The following CTNNA3 variants were observed in gnomAD, a reference collection of about 807,000 sequenced individuals.
CTNNA3 encodes catenin alpha 3.
A neutral mutation model predicts 95.7 loss-of-function variants in CTNNA3; 76 were observed. The observed-to-expected ratio is 0.79, with a 90% CI of 0.66 to 0.96. The LOEUF is 0.96. CTNNA3 is among the 40% of genes least tolerant of loss of function. CTNNA3 has a pLI of 0.00. For missense variants in CTNNA3, 1,191 were observed against 1,089.8 expected (o/e 1.09, Z -1.31); for synonymous variants, 431 against 374.4 (o/e 1.15, Z -1.74).
intron 5 of CTNNA3, among the ~76,000 whole-genome samples, chr10:67,336,758 T>C (rs1468317235): frequency 6.6e-6 from 1 of 152,114 alleles, no homozygotes; most frequent in Admixed American, 6.6e-5. Flanking sequence ...CATCTGAAAA[T>C]CCTAGGGCCC....
At chr10:66,930,458 G>T (rs924550937) in intron 7 of CTNNA3, among the ~76,000 whole-genome samples, 8 of 152,028 alleles carry the variant, frequency 5.3e-5, no homozygotes, top group African/African-American at 1.7e-4. Context: ...ATCTTAAAAA[G>T]AAATTTTCTT....
intron 9 of CTNNA3, among the ~76,000 whole-genome samples, chr10:66,717,257 C>A (rs995206358): frequency 6.6e-6 from 1 of 152,096 alleles, no homozygotes; most frequent in East Asian, 1.9e-4. Flanking sequence ...TTTTGGAGGA[C>A]CCCGACTGAC....
At chr10:67,257,662 T>G (rs958793204) in intron 5 of CTNNA3, among the ~76,000 whole-genome samples, 1 of 152,218 alleles carries the variant, frequency 6.6e-6, no homozygotes, top group African/African-American at 2.4e-5. Flanking sequence ...TAGTGTTTCG[T>G]GCATGTTTTT....
At chr10:67,423,847 C>A (rs974048990) in intron 5 of CTNNA3, among the ~76,000 whole-genome samples, 1 of 152,080 alleles carries the variant, frequency 6.6e-6, no homozygotes. Context: ...AGGTCGGGGA[C>A]TCTTCAATCT....
intron 16 of CTNNA3, among the ~76,000 whole-genome samples, chr10:65,967,049 C>T (rs750019810): frequency 5.3e-5 from 8 of 152,052 alleles, no homozygotes; most frequent in South Asian, 2.1e-4. Context: ...CTCTGCCTCC[C>T]GGGTTCAAGT....
At chr10:66,393,854 A>C (rs2092953367) in intron 11 of CTNNA3, among the ~76,000 whole-genome samples, 1 of 152,038 alleles carries the variant, frequency 6.6e-6, no homozygotes, top group Non-Finnish European at 1.5e-5. Context: ...AAATTCACAA[A>C]GTTATAGTAA....
chr10:66,536,138 A>AGC (rs1201006143), intron 10 of CTNNA3, among the ~76,000 whole-genome samples: 1 of 137,620 alleles, frequency 7.3e-6, no homozygotes, highest in Non-Finnish European at 1.6e-5. Context: ...AAACGACATG[A>AGC]GAGAGAGAGA....
chr10:67,560,358 C>T (rs1030128557), intron 3 of CTNNA3, among the ~76,000 whole-genome samples: 32 of 151,694 alleles, frequency 2.1e-4, no homozygotes, highest in African/African-American at 7.5e-4. Flanking sequence ...AAAGAATTTT[C>T]AACCCAGAAT....
At chr10:67,019,224 A>T (rs1190978158) in intron 7 of CTNNA3, among the ~76,000 whole-genome samples, 1 of 151,826 alleles carries the variant, frequency 6.6e-6, no homozygotes, top group Non-Finnish European at 1.5e-5. Flanking sequence ...TTATTTTATT[A>T]TTATTTTGTT....
chr10:67,688,551 C>T lies in CTNNA3; in HGVS notation c.-6+7449G>A, dbSNP rs1391750568. ...CTGCAGGATAGGATTGTACTTTATA[C>T]TTCCTTCAGGTGGCCATCTTTCCCA... is the stretch of plus-strand genomic sequence containing the variant. On this transcript the variant is annotated intron_variant, in intron 1 of 17. Coordinates refer to ENST00000433211, the MANE Select transcript of CTNNA3 (RefSeq NM_013266.4). Among the ~76,000 whole-genome samples the T allele has an allele frequency of 2.0e-5, 3 of 152,132 alleles. No individual in the cohort carries two copies. In the East Asian group the frequency reaches 5.8e-4, roughly 29 times the overall value.
At chr10:67,531,240 T>C (rs1420330377) in intron 4 of CTNNA3, among the ~76,000 whole-genome samples, 6 of 152,104 alleles carry the variant, frequency 3.9e-5, no homozygotes, top group African/African-American at 1.4e-4. Flanking sequence ...CCTAGAATGA[T>C]AGCTCCACTG....
At chr10:66,571,443 C>G (rs1386481799) in intron 10 of CTNNA3, among the ~76,000 whole-genome samples, 2 of 152,194 alleles carry the variant, frequency 1.3e-5, no homozygotes, top group Non-Finnish European at 2.9e-5. Flanking sequence ...GCAGCAATTA[C>G]TGCCCCATTT....
At chr10:66,387,134 G>T (rs1034105284) in intron 11 of CTNNA3, among the ~76,000 whole-genome samples, 5 of 152,024 alleles carry the variant, frequency 3.3e-5, no homozygotes, top group African/African-American at 7.2e-5. Flanking sequence ...CACAGCAAAA[G>T]AAACTACCAT....
At chr10:67,099,690 G>A (rs1858225658) in intron 7 of CTNNA3, 1 of 152,126 alleles carries the variant, frequency 6.6e-6, no homozygotes, top group South Asian at 2.1e-4. Flanking sequence ...TAATTCAAAT[G>A]AAACTAAATG....
At chr10:66,541,851 G>A (rs1841863282) in intron 10 of CTNNA3, among the ~76,000 whole-genome samples, 1 of 152,022 alleles carries the variant, frequency 6.6e-6, no homozygotes, top group Non-Finnish European at 1.5e-5. Context: ...ACTTCCATAT[G>A]TCTGTAAAGT....
intron 11 of CTNNA3, among the ~76,000 whole-genome samples, chr10:66,474,706 T>C (rs1355772569): frequency 1.3e-5 from 2 of 152,042 alleles, no homozygotes; most frequent in African/African-American, 4.8e-5. Context: ...ATACCAGCAG[T>C]TGTCATTTTT....
In CTNNA3 at chr10:66,928,080, G is replaced by A. The variant is rs569950946; in HGVS notation, c.1048-152556C>T. On this transcript the variant is annotated intron_variant, in intron 7 of 17. Transcript: ENST00000433211. ...TTAAGCCCAAGCTCCCCAGGCCGAA[G>A]CATGAGAGCAAACCCCCTTTGCCCC... 44 of 1,614,078 alleles carry A rather than the reference G, an allele frequency of 2.7e-5. No individual in the cohort carries two copies. In the East Asian group the frequency reaches 7.8e-4, roughly 29 times the overall value.
At chr10:66,953,940 C>A (rs1848666174) in intron 7 of CTNNA3, among the ~76,000 whole-genome samples, 1 of 152,072 alleles carries the variant, frequency 6.6e-6, no homozygotes, top group African/African-American at 2.4e-5. Context: ...ATAATAAAAT[C>A]TATCTCAAAA....
At chr10:66,114,903 T>C (rs964995445) in intron 13 of CTNNA3, among the ~76,000 whole-genome samples, 1 of 151,514 alleles carries the variant, frequency 6.6e-6, no homozygotes, top group Non-Finnish European at 1.5e-5. Flanking sequence ...AAAGAAAAAG[T>C]AAAAGAAAAT....
Sources: allele counts gnomAD v4.1 joint callset (sites outside exome capture counted in the v4.1 genomes callset), GRCh38; gene constraint gnomAD v4.1.1; transcripts MANE v1.5; gene names NCBI Gene and HGNC (gene_info 2026-07-23, HGNC 2026-07-21).